Variants in LRP5 observed in about 807,000 individuals in gnomAD.
The protein encoded by LRP5 is low-density lipoprotein receptor-related protein 5.
A neutral mutation model predicts 154.1 loss-of-function variants in LRP5; 62 were observed. That is an observed-to-expected ratio of 0.40 (90% CI 0.33 to 0.50). The LOEUF (loss-of-function observed/expected upper bound fraction) is 0.50, where lower values mean the gene tolerates loss of function less well. Ranked by LOEUF, LRP5 falls within the 20% of genes least tolerant of loss-of-function variation. The pLI is 0.55. For synonymous variants in LRP5, 966 were observed against 1,011.5 expected (o/e 0.96, Z 0.85); for missense variants, 1,915 against 2,336.7 (o/e 0.82, Z 3.72).
intron 1 of LRP5, among the ~76,000 whole-genome samples, chr11:68,327,047 G>T (rs983271109): frequency 6.6e-6 from 1 of 152,214 alleles, no homozygotes; most frequent in Non-Finnish European, 1.5e-5. Flanking sequence ...GGCCAAGGTG[G>T]GGGTTATCTG....
At chr11:68,376,335 C>G (rs1188509799) in intron 5 of LRP5, among the ~76,000 whole-genome samples, 4 of 152,134 alleles carry the variant, frequency 2.6e-5, no homozygotes, top group African/African-American at 9.7e-5. Context: ...GCACCCGCCA[C>G]CACACTCGGC....
At chr11:68,315,269 A>C (rs1350356109) in intron 1 of LRP5, among the ~76,000 whole-genome samples, 2 of 152,224 alleles carry the variant, frequency 1.3e-5, no homozygotes, top group Non-Finnish European at 2.9e-5. Flanking sequence ...CAGTGAGCGC[A>C]GTTGTGTGTC....
intron 12 of LRP5, among the ~76,000 whole-genome samples, chr11:68,415,358 G>A (rs1022646851): frequency 5.9e-5 from 9 of 152,168 alleles, no homozygotes; most frequent in African/African-American, 1.7e-4. Context: ...ATAGCAAACC[G>A]CACACACAGT....
intron 7 of LRP5, 135 bp from the exon 8 acceptor site, chr11:68,403,348 G>C: frequency 1.4e-6 from 1 of 718,428 alleles, no homozygotes; most frequent in Middle Eastern, 3.2e-4. Context: ...TACCTGGCAA[G>C]GTGCAGGTAA....
the LRP5 span, among the ~76,000 whole-genome samples, chr11:68,300,608 T>A: frequency 6.7e-6 from 1 of 149,470 alleles, no homozygotes; most frequent in Non-Finnish European, 1.5e-5. Context: ...CACCAAGTAC[T>A]TGGACCCCAA....
At chr11:68,424,408 C>T (rs2098667526) in intron 14 of LRP5, among the ~76,000 whole-genome samples, 2 of 152,118 alleles carry the variant, frequency 1.3e-5, no homozygotes, top group South Asian at 2.1e-4. Context: ...TCAGTTTCCT[C>T]ATTGGTAGGA....
chr11:68,359,794 T>G (rs147400649), intron 3 of LRP5, among the ~76,000 whole-genome samples: 8,678 of 151,080 alleles, frequency 0.057, 256 homozygotes, highest in Middle Eastern at 0.16. Context: ...TTGTTTGTTT[T>G]TTTTTTTTTT....
intron 19 of LRP5, among the ~76,000 whole-genome samples, 168 bp downstream of exon 19, chr11:68,437,167 G>A (rs907319711): frequency 3.3e-5 from 5 of 152,206 alleles, no homozygotes; most frequent in East Asian, 1.9e-4. Flanking sequence ...CCAGGGCAGC[G>A]GCCAGGAGGA....
intron 12 of LRP5, 150 bp downstream of exon 12, chr11:68,414,162 C>G: frequency 3.8e-6 from 3 of 782,114 alleles, no homozygotes; most frequent in Middle Eastern, 2.3e-4. Flanking sequence ...CATGATGCTA[C>G]CTGGGGGTCC....
chr11:68,335,741 C>G (rs770007728), intron 1 of LRP5, among the ~76,000 whole-genome samples: 9 of 152,166 alleles, frequency 5.9e-5, no homozygotes, highest in Non-Finnish European at 8.8e-5. Flanking sequence ...ACATTTTATA[C>G]AGCAAAATTG....
chr11:68,443,558 TATATATATATATATATATATATATA>T, intron 21 of LRP5, among the ~76,000 whole-genome samples: 1 of 34,704 alleles, frequency 2.9e-5, no homozygotes, highest in African/African-American at 1.5e-4. Context: ...TATATATATA[TATATATATATATATATATATATATA>T]TATTTTTTTT....
the LRP5 span, among the ~76,000 whole-genome samples, chr11:68,301,835 A>G: frequency 2.0e-5 from 3 of 151,890 alleles, no homozygotes; most frequent in East Asian, 2.0e-4. Context: ...TCACTGTGTT[A>G]GCCAGGATGG....
rs780548194 is a variant in LRP5 at position 68,425,142 on chromosome 11, A to G, written c.3277A>G (p.Ile1093Val). ...CAACATGCAGGACCGGGCAGCCAAGATCGAACGCGCAGCCCTGGACGGCAC... is the reference window on the plus strand; with the variant it reads ...CAACATGCAGGACCGGGCAGCCAAGGTCGAACGCGCAGCCCTGGACGGCAC... ...FTNMQDRAAK[I>V]ERAALDGTER... Residue 1093 changes from isoleucine to valine, a missense_variant, in exon 15 of 23, where the codon ATC becomes GTC. Ile to Val is a conservative substitution (Grantham distance 29). Coordinates refer to ENST00000294304, the MANE Select transcript of LRP5 (RefSeq NM_002335.4). The G allele has an allele frequency of 6.2e-7, 1 of 1,613,642 alleles. No homozygotes were observed. The highest frequency in any genetic ancestry group is 8.5e-7 in the Non-Finnish European group (1 of 1,179,886).
At chr11:68,438,785 A>C (rs991141403) in intron 20 of LRP5, 103 bp downstream of exon 20, 5 of 972,198 alleles carry the variant, frequency 5.1e-6, no homozygotes, top group Middle Eastern at 2.9e-4. Context: ...CCTCTTGCAC[A>C]TGTGGCAGAC....
At chr11:68,318,822 G>A (rs2098595028) in intron 1 of LRP5, among the ~76,000 whole-genome samples, 1 of 152,218 alleles carries the variant, frequency 6.6e-6, no homozygotes, top group Admixed American at 6.5e-5. Context: ...CCAGGGCCCT[G>A]CAGGGCTCAG....
intron 5 of LRP5, among the ~76,000 whole-genome samples, chr11:68,382,460 A>G (rs1220499949): frequency 1.3e-5 from 2 of 151,902 alleles, no homozygotes; most frequent in African/African-American, 2.4e-5. Context: ...AGACCCCATA[A>G]CCCTAGTCTG....
intron 21 of LRP5, among the ~76,000 whole-genome samples, chr11:68,441,515 G>A (rs1301285099): frequency 1.3e-5 from 2 of 152,194 alleles, no homozygotes; most frequent in East Asian, 3.8e-4. Context: ...AGGGACAAAG[G>A]GAACTGGTAA....
upstream of LRP5, among the ~76,000 whole-genome samples, chr11:68,312,116 T>C (rs1375518435): frequency 1.3e-5 from 2 of 152,188 alleles, no homozygotes; most frequent in Non-Finnish European, 2.9e-5. Context: ...CACATTTAGT[T>C]TACAGTAAAA....
chr11:68,349,650 C>T (rs1008121880), intron 2 of LRP5, among the ~76,000 whole-genome samples: 1 of 152,164 alleles, frequency 6.6e-6, no homozygotes, highest in Non-Finnish European at 1.5e-5. Context: ...GCCGTGATCC[C>T]AGGTGGGGAG....
Sources: gnomAD v4.1 joint callset for allele counts (sites outside exome capture counted in the v4.1 genomes callset) on GRCh38, gnomAD v4.1.1 for gene constraint, MANE v1.5 for transcripts, NCBI Gene and HGNC (gene_info 2026-07-23, HGNC 2026-07-21) for gene names.